FAM171A1: variants seen among roughly 807,000 people sequenced by gnomAD.
The protein encoded by FAM171A1 is family with sequence similarity 171 member A1.
Under a neutral mutation model 74.9 loss-of-function variants are expected in FAM171A1, and 23 were observed. That is an observed-to-expected ratio of 0.31 (90% CI 0.22 to 0.44). The LOEUF (loss-of-function observed/expected upper bound fraction) is 0.44, where lower values mean the gene tolerates loss of function less well. Ranked by LOEUF, FAM171A1 falls within the 20% of genes least tolerant of loss-of-function variation. The probability of loss-of-function intolerance (pLI) is 1.00; values close to 1 mark genes in which losing one functional copy is unlikely to be tolerated. For synonymous variants in FAM171A1, 527 were observed against 505.7 expected (o/e 1.04, Z -0.57); for missense variants, 1,162 against 1,159.2 (o/e 1.00, Z -0.03).
intron 5 of FAM171A1, among the ~76,000 whole-genome samples, chr10:15,236,649 T>G (rs1834294710): frequency 1.3e-5 from 2 of 152,316 alleles, no homozygotes; most frequent in South Asian, 4.1e-4. Flanking sequence ...ATCAATAATA[T>G]TCTACCTTCT....
chr10:15,306,098 G>A (rs1835291169), intron 1 of FAM171A1, among the ~76,000 whole-genome samples: 1 of 152,160 alleles, frequency 6.6e-6, no homozygotes, highest in African/African-American at 2.4e-5. Flanking sequence ...ACGGGCATGG[G>A]TCTCGTGTGC....
chr10:15,253,672 C>G (rs1184505870), intron 4 of FAM171A1, among the ~76,000 whole-genome samples: 2 of 152,114 alleles, frequency 1.3e-5, no homozygotes, highest in Non-Finnish European at 2.9e-5. Context: ...AAATTCAAGC[C>G]AAGTATCCCT....
intron 1 of FAM171A1, among the ~76,000 whole-genome samples, chr10:15,331,859 G>GCGTATACATATATA (rs1835638995): frequency 2.2e-5 from 1 of 44,954 alleles, no homozygotes; most frequent in Admixed American, 2.8e-4. Flanking sequence ...ATATATGTGT[G>GCGTATACATATATA]TATATATATG....
chr10:15,340,056 G>A (rs1370951044), intron 1 of FAM171A1, among the ~76,000 whole-genome samples: 2 of 152,128 alleles, frequency 1.3e-5, no homozygotes, highest in Admixed American at 6.5e-5. Flanking sequence ...GGGAATTATG[G>A]AAGCTACAAT....
At chr10:15,233,521 G>GTGT (rs1834236288) in intron 5 of FAM171A1, among the ~76,000 whole-genome samples, 2 of 145,282 alleles carry the variant, frequency 1.4e-5, no homozygotes, top group South Asian at 4.5e-4. Flanking sequence ...GTGTATTCAG[G>GTGT]GTGTGTGTGT....
At chr10:15,247,630 G>A (rs1479436921) in intron 5 of FAM171A1, among the ~76,000 whole-genome samples, 1 of 151,660 alleles carries the variant, frequency 6.6e-6, no homozygotes, top group African/African-American at 2.4e-5. Context: ...GCTGCTTTTG[G>A]GATTAGGTTA....
chr10:15,227,447 A>G (rs183208778), intron 5 of FAM171A1, among the ~76,000 whole-genome samples: 46 of 152,318 alleles, frequency 3.0e-4, no homozygotes, highest in Middle Eastern at 3.4e-3. Flanking sequence ...CAGTGGTGCA[A>G]TCATGGCTCA....
chr10:15,362,969 C>G (rs542976441), intron 1 of FAM171A1, among the ~76,000 whole-genome samples: 4 of 152,306 alleles, frequency 2.6e-5, no homozygotes, highest in Admixed American at 2.0e-4. Context: ...TGCCCCTCCC[C>G]GACAGACCAC....
intron 1 of FAM171A1, among the ~76,000 whole-genome samples, chr10:15,292,181 C>T (rs993839781): frequency 2.6e-4 from 39 of 152,024 alleles, no homozygotes; most frequent in South Asian, 2.1e-4. Flanking sequence ...CAATGGCTCC[C>T]CCCTCATGAC....
chr10:15,283,972 C>T lies in FAM171A1; in HGVS notation c.231G>A (p.Lys77=). 6.2e-7 allele frequency: 1 copy of T among 1,614,172 alleles called. No homozygotes were observed. The highest frequency in any genetic ancestry group is 8.5e-7 in the Non-Finnish European group (1 of 1,180,034). The change falls in exon 2 of 8, where the codon AAG becomes AAA. Residue 77 remains lysine, a synonymous_variant. Transcript: ENST00000378116. ...ACTGACTGCCCAGCTTATACTGGAA[C>T]TTGATAAAGGCGACGCCATCAGTCC... ...TSGTDGVAFI[K]FQYKLGSQLI...
intron 1 of FAM171A1, among the ~76,000 whole-genome samples, chr10:15,360,432 T>G (rs1301965771): frequency 1.3e-5 from 2 of 152,258 alleles, no homozygotes; most frequent in Admixed American, 6.5e-5. Flanking sequence ...TGCTTCCCTT[T>G]TTTCCCTCTA....
intron 1 of FAM171A1, among the ~76,000 whole-genome samples, chr10:15,300,361 C>A (rs924241042): frequency 1.3e-5 from 2 of 152,094 alleles, no homozygotes; most frequent in Non-Finnish European, 2.9e-5. Flanking sequence ...GTGGTCTTGG[C>A]CAAGTTCACA....
chr10:15,219,074 GA>G (rs553610552), intron 6 of FAM171A1, among the ~76,000 whole-genome samples: 130 of 152,284 alleles, frequency 8.5e-4, no homozygotes, highest in African/African-American at 3.0e-3. Flanking sequence ...CCGGAGGTCA[GA>G]AGTTCAAGAC....
chr10:15,254,709 G>T lies in FAM171A1; in HGVS notation c.577+12C>A, dbSNP rs755173033. On this transcript the variant is annotated intron_variant, in intron 4 of 7. Transcript: ENST00000378116. ...AGTAACTCCCACTGAAAAGAGAAAA[G>T]ACTCCAATTACCTGTTCCATTTCCG... The T allele has an allele frequency of 4.6e-5, 74 of 1,610,534 alleles. No individual in the cohort carries two copies. Among genetic ancestry groups the T allele is most frequent in the Non-Finnish European group, 5.2e-5 (61 of 1,177,596 alleles).
intron 3 of FAM171A1, among the ~76,000 whole-genome samples, chr10:15,266,929 T>A (rs1164732137): frequency 7.2e-6 from 1 of 138,930 alleles, no homozygotes; most frequent in East Asian, 2.1e-4. Flanking sequence ...GGCCAGGGAG[T>A]GTGAGTTGGC....
chr10:15,217,363 C>T (rs1833979890), intron 6 of FAM171A1, among the ~76,000 whole-genome samples: 1 of 152,188 alleles, frequency 6.6e-6, no homozygotes, highest in South Asian at 2.1e-4. Context: ...GATTATTAAA[C>T]ACCACAGACA....
chr10:15,300,950 C>T (rs1835221250), intron 1 of FAM171A1, among the ~76,000 whole-genome samples: 1 of 152,198 alleles, frequency 6.6e-6, no homozygotes, highest in African/African-American at 2.4e-5. Flanking sequence ...CAAAAGACCT[C>T]CTGAGAAAGT....
intron 3 of FAM171A1, among the ~76,000 whole-genome samples, chr10:15,271,353 G>C (rs536286974): frequency 6.6e-6 from 1 of 152,202 alleles, no homozygotes; most frequent in South Asian, 2.1e-4. Flanking sequence ...AAAAAGAAAT[G>C]AACAAAGCCT....
chr10:15,368,678 A>G (rs1836095701), intron 1 of FAM171A1, among the ~76,000 whole-genome samples: 1 of 152,214 alleles, frequency 6.6e-6, no homozygotes, highest in Admixed American at 6.5e-5. Flanking sequence ...CACCAACTGT[A>G]TGCATAACAA....
Sources: gnomAD v4.1 joint callset for allele counts (sites outside exome capture counted in the v4.1 genomes callset) on GRCh38, gnomAD v4.1.1 for gene constraint, MANE v1.5 for transcripts, NCBI Gene and HGNC (gene_info 2026-07-23, HGNC 2026-07-21) for gene names.